Variants in SYCE2 observed in about 807,000 individuals in gnomAD.
SYCE2 encodes the protein synaptonemal complex central element protein 2, also known as central element synaptonemal complex 1.
SYCE2 carries 3 observed loss-of-function variants against 27.9 expected under a neutral mutation model. The ratio of observed to expected loss-of-function variants is 0.11; its 90% CI spans 0.05 to 0.28. The LOEUF (loss-of-function observed/expected upper bound fraction) is 0.28, where lower values mean the gene tolerates loss of function less well. Among genes scored for constraint, SYCE2 ranks in the 10% least tolerant of loss-of-function variants. The pLI, the probability that SYCE2 is intolerant of heterozygous loss-of-function variation, is 1.00. For missense variants in SYCE2, 207 were observed against 263.5 expected (o/e 0.79, Z 1.48); for synonymous variants, 85 against 100.7 (o/e 0.84, Z 0.93).
chr19:12,914,316 C>T (rs1336691066), intron 2 of SYCE2: 1 of 152,164 alleles, frequency 6.6e-6, no homozygotes, highest in Non-Finnish European at 1.5e-5. Flanking sequence ...TTCCGTGGTG[C>T]AGAGCCTCCC....
At position 12,899,702 on chromosome 19, in the gene SYCE2, G is replaced by T. The variant is rs113720193; in HGVS notation, c.612+302C>A. On this transcript the variant is annotated intron_variant, in intron 5 of 5. Transcript: ENST00000293695. ...ATATCAAAATTTCCCTTCTGAAGTC[G>T]TTCAGATGTGTTCCTTAAAAAGAAG... is the stretch of plus-strand genomic sequence containing the variant. 3 of 1,611,830 alleles carry T rather than the reference G, an allele frequency of 1.9e-6. No individual in the cohort carries two copies. In the Admixed American group the frequency reaches 5.0e-5, roughly 27 times the overall value.
chr19:12,916,520 C>G (rs1055805265), intron 2 of SYCE2, among the ~76,000 whole-genome samples: 2 of 152,216 alleles, frequency 1.3e-5, no homozygotes, highest in Admixed American at 1.3e-4. Context: ...AGTTCTCCAA[C>G]TGCTCTAAGG....
At chr19:12,908,266 A>G (rs1380277089) in intron 2 of SYCE2, among the ~76,000 whole-genome samples, 1 of 140,076 alleles carries the variant, frequency 7.1e-6, no homozygotes, top group Non-Finnish European at 1.5e-5. Flanking sequence ...AGCTGCTTAA[A>G]TTTTCTGGGC....
chr19:12,911,669 G>A (rs1441811602), intron 2 of SYCE2, among the ~76,000 whole-genome samples: 2 of 149,110 alleles, frequency 1.3e-5, no homozygotes, highest in African/African-American at 2.5e-5. Context: ...CCAGGATGGA[G>A]TGCAGTGCCA....
intron 2 of SYCE2, among the ~76,000 whole-genome samples, chr19:12,917,366 C>A (rs1311740493): frequency 6.0e-5 from 9 of 150,122 alleles, no homozygotes; most frequent in Admixed American, 2.0e-4. Context: ...CTAAATTTTT[C>A]TTTTTTCTTT....
At chr19:12,899,463 T>C in intron 5 of SYCE2, 78 bp from the exon 6 acceptor site, 1 of 1,614,172 alleles carries the variant, frequency 6.2e-7, no homozygotes, top group Non-Finnish European at 8.5e-7. Flanking sequence ...ATTAATCTTG[T>C]CCAGGTACAC....
chr19:12,901,952 C>T (rs112620865), intron 3 of SYCE2, among the ~76,000 whole-genome samples: 7 of 152,176 alleles, frequency 4.6e-5, no homozygotes, highest in South Asian at 2.1e-4. Flanking sequence ...TATATACAGT[C>T]GTGTGCTGCA....
At position 12,898,976 on chromosome 19, in the gene SYCE2, A is replaced by C. The variant is rs758225390; in HGVS notation, c.*365T>G. 10 of 306,834 alleles carry C rather than the reference A, an allele frequency of 3.3e-5. No individual in the cohort carries two copies. In the Admixed American group the frequency reaches 4.1e-4, roughly 13 times the overall value. The allele number at this position is 306,834 out of a possible 1,614,324, so 19.0% of individuals were successfully genotyped here. A position where few individuals can be genotyped will look rare whatever the true frequency, so the allele number is the denominator to read the frequency against. ...GCTGAGGCAAGTGACTGCTCTTCCGATGTGCTGTCCCTCCTATCCCTCCCG... is the reference window on the plus strand; with the variant it reads ...GCTGAGGCAAGTGACTGCTCTTCCGCTGTGCTGTCCCTCCTATCCCTCCCG... On this transcript the variant is annotated 3_prime_UTR_variant, in exon 6 of 6. Transcript: ENST00000293695.
intron 3 of SYCE2, among the ~76,000 whole-genome samples, chr19:12,903,990 A>G (rs1328573055): frequency 6.6e-6 from 1 of 152,214 alleles, no homozygotes; most frequent in East Asian, 1.9e-4. Context: ...AGCCCTGGGC[A>G]TGTGGAAGAA....
intron 2 of SYCE2, among the ~76,000 whole-genome samples, chr19:12,913,145 G>A (rs548264910): frequency 7.9e-5 from 12 of 152,344 alleles, no homozygotes; most frequent in Admixed American, 3.3e-4. Flanking sequence ...ATTGGGCAGC[G>A]GGCTGGGGGC....
chr19:12,910,687 AT>A (rs905229056), intron 2 of SYCE2, among the ~76,000 whole-genome samples: 2 of 144,804 alleles, frequency 1.4e-5, no homozygotes, highest in Non-Finnish European at 3.0e-5. Flanking sequence ...ATATATATAT[AT>A]TTTTTTTGAG....
intron 2 of SYCE2, among the ~76,000 whole-genome samples, chr19:12,910,410 G>C (rs1971023444): frequency 6.6e-6 from 1 of 151,662 alleles, no homozygotes; most frequent in Non-Finnish European, 1.5e-5. Context: ...TGACAGGCTG[G>C]AGTGTCGCTC....
intron 2 of SYCE2, among the ~76,000 whole-genome samples, chr19:12,906,734 C>G (rs960764868): frequency 1.3e-5 from 2 of 151,888 alleles, no homozygotes; most frequent in Non-Finnish European, 2.9e-5. Flanking sequence ...TGGTGAAACC[C>G]CATCTCTACT....
chr19:12,903,385 C>T (rs1165562400), intron 3 of SYCE2, among the ~76,000 whole-genome samples: 2 of 150,262 alleles, frequency 1.3e-5, no homozygotes, highest in African/African-American at 2.5e-5. Flanking sequence ...GCCACCACGC[C>T]CGGCCCTCTT....
intron 2 of SYCE2, among the ~76,000 whole-genome samples, chr19:12,915,113 C>T (rs1971114930): frequency 6.6e-6 from 1 of 152,176 alleles, no homozygotes; most frequent in South Asian, 2.1e-4. Context: ...AGTGGATAAA[C>T]AAAATGTGGT....
At chr19:12,911,670 T>C (rs565469734) in intron 2 of SYCE2, among the ~76,000 whole-genome samples, 4 of 138,618 alleles carry the variant, frequency 2.9e-5, no homozygotes, top group African/African-American at 1.1e-4. Context: ...CAGGATGGAG[T>C]GCAGTGCCAC....
chr19:12,900,994 C>T (rs1422243846), intron 3 of SYCE2, among the ~76,000 whole-genome samples: 1 of 151,978 alleles, frequency 6.6e-6, no homozygotes, highest in African/African-American at 2.4e-5. Context: ...TGTGAAACCC[C>T]GTCTCTACTA....
At chr19:12,910,309 TTTC>T (rs879794672) in intron 2 of SYCE2, among the ~76,000 whole-genome samples, 2 of 152,138 alleles carry the variant, frequency 1.3e-5, no homozygotes, top group Non-Finnish European at 2.9e-5. Context: ...AAAATTTTTT[TTTC>T]TTTTGTAAGA....
intron 1 of SYCE2, 61 bp from the exon 2 acceptor site, chr19:12,918,398 C>T: frequency 6.7e-7 from 1 of 1,486,990 alleles, no homozygotes; most frequent in South Asian, 1.1e-5. Context: ...AGATCGCCCT[C>T]CTGCCGACCC....
Sources: gnomAD v4.1 joint callset for allele counts (sites outside exome capture counted in the v4.1 genomes callset) on GRCh38, gnomAD v4.1.1 for gene constraint, MANE v1.5 for transcripts, NCBI Gene and HGNC (gene_info 2026-07-23, HGNC 2026-07-21) for gene names.